CELSR1: variants seen among roughly 807,000 people sequenced by gnomAD.
CELSR1 encodes the protein adhesion G protein-coupled receptor C1.
A neutral mutation model predicts 249.1 loss-of-function variants in CELSR1; 110 were observed. That is an observed-to-expected ratio of 0.44 (90% confidence interval 0.38 to 0.52). CELSR1 has a LOEUF of 0.52. Ranked by LOEUF, CELSR1 falls within the 20% of genes least tolerant of loss-of-function variation. The probability of loss-of-function intolerance (pLI) is 0.00; values close to 1 mark genes in which losing one functional copy is unlikely to be tolerated. For missense variants in CELSR1, 4,109 were observed against 4,296.4 expected, an observed-to-expected ratio of 0.96 and a Z score of 1.22; for synonymous variants, 2,113 against 1,900.0, an observed-to-expected ratio of 1.11 and a Z score of -2.92.
intron 1 of CELSR1, among the ~76,000 whole-genome samples, chr22:46,477,514 C>CTTTT (rs10683807): frequency 0.011 from 1,490 of 133,624 alleles, 47 homozygotes; most frequent in South Asian, 0.024. Flanking sequence ...GTTTTATTGG[C>CTTTT]TTTTTTTTTT....
chr22:46,492,367 T>TAA (rs1441666523), intron 1 of CELSR1, among the ~76,000 whole-genome samples: 1 of 152,254 alleles, frequency 6.6e-6, no homozygotes, highest in South Asian at 2.1e-4. Context: ...GGCACACTGA[T>TAA]ACACAGTCCT....
At chr22:46,491,846 A>G (rs960276832) in intron 1 of CELSR1, among the ~76,000 whole-genome samples, 1 of 152,132 alleles carries the variant, frequency 6.6e-6, no homozygotes, top group South Asian at 2.1e-4. Context: ...CATGTTGGCC[A>G]GGCTGGTCTC....
rs760651748 is a variant in CELSR1, at chr22:46,534,149, C to G, written c.3022G>C (p.Val1008Leu). 2 of 1,613,884 alleles carry G rather than the reference C, an allele frequency of 1.2e-6. No individual in the cohort carries two copies. The highest frequency in any genetic ancestry group is 8.5e-7 in the Non-Finnish European group (1 of 1,180,052). Residue 1008 changes from valine (V) to leucine (L), a missense_variant, in exon 1 of 35, where the codon GTT (valine) becomes CTT (leucine). Val to Leu is a conservative substitution (Grantham distance 32, BLOSUM62 1). This residue lies in a region of CELSR1 where 886 missense variants were observed against 896.5 expected (regional missense o/e 0.99). Coordinates refer to ENST00000674500, the MANE Select transcript of CELSR1 (RefSeq NM_001378328.1). The surrounding 1 kb of genome is among the most constrained non-coding windows in gnomAD (Gnocchi z 9.7). ...GACCCCACTGGGTTGTTCTCCTCAA[C>G]AAACAGCTCCAGTTCGTCCTTCTCA... is the stretch of plus-strand genomic sequence containing the variant. ...MFEKDELELF[V>L]EENNPVGSVV...
rs761007560 is a variant in CELSR1, at chr22:46,439,284, C to A, written c.4311G>T (p.Arg1437Ser). 3.1e-6 allele frequency: 5 copies of A among 1,614,074 alleles called. No individual in the cohort carries two copies. The highest frequency in any genetic ancestry group is 4.2e-6 in the Non-Finnish European group (5 of 1,179,992). The part of the protein sequence containing the change: ...HCVCPPGEYE[R>S]PYCEVTTRSF... ...TCCTGGTGGTCACCTCACAGTAGGG[C>A]CTCTCATACTCGCCAGGAGGACACA... The change falls in exon 3 of 35, where the codon AGG (arginine) becomes AGT (serine). Residue 1437 changes from arginine (R) to serine (S), a missense_variant. Around this residue, in one of 7 missense-constraint regions of CELSR1, gnomAD observed 453 missense variants for 492.0 expected, o/e 0.92. Coordinates refer to ENST00000674500, the MANE Select transcript of CELSR1 (RefSeq NM_001378328.1).
chr22:46,508,135 C>T lies in CELSR1; in HGVS notation c.3544+25492G>A, dbSNP rs373615457. On this transcript the variant is annotated intron_variant, in intron 1 of 34. Transcript: ENST00000674500. Reference sequence around the variant, plus strand: ...CCCCTTTGTGACTCGGCCCTGCAGGCGTAGACCCCCTCCCCCACGGCTCCT... The same window carrying T: ...CCCCTTTGTGACTCGGCCCTGCAGGTGTAGACCCCCTCCCCCACGGCTCCT... 4.6e-5 allele frequency among the ~76,000 whole-genome samples: 7 copies of T among 152,246 alleles called. 1 individual carries two copies. In the East Asian group the frequency reaches 5.8e-4, roughly 13 times the overall value.
chr22:46,368,826 C>T (rs2078817288), intron 27 of CELSR1, among the ~76,000 whole-genome samples: 1 of 152,062 alleles, frequency 6.6e-6, no homozygotes, highest in South Asian at 2.1e-4. Context: ...TCAGCAACAC[C>T]CTCACCACCC....
At chr22:46,369,839 C>T (rs2078831304) in intron 25 of CELSR1, 35 bp from the exon 26 acceptor site, 2 of 1,588,620 alleles carry the variant, frequency 1.3e-6, no homozygotes. Flanking sequence ...AGGGTGAGGG[C>T]CACGTGCCCA....
intron 2 of CELSR1, among the ~76,000 whole-genome samples, chr22:46,460,204 CACACA>C (rs1569179871): frequency 9.2e-5 from 12 of 130,880 alleles, no homozygotes; most frequent in African/African-American, 3.1e-4. Context: ...CACACACACA[CACACA>C]CACACACCCA....
chr22:46,405,320 C>T (rs988452129), intron 9 of CELSR1, among the ~76,000 whole-genome samples: 1 of 151,552 alleles, frequency 6.6e-6, no homozygotes, highest in Non-Finnish European at 1.5e-5. Context: ...ATTAGCCAGG[C>T]GTCGTGGCAG....
intron 2 of CELSR1, among the ~76,000 whole-genome samples, chr22:46,442,205 A>G (rs540359549): frequency 6.6e-6 from 1 of 152,368 alleles, no homozygotes; most frequent in South Asian, 2.1e-4. Context: ...GTGCTGAGGT[A>G]TACCCCCCAC....
chr22:46,462,941 A>T (rs923336208), intron 2 of CELSR1: 7 of 466,772 alleles, frequency 1.5e-5, no homozygotes, highest in Non-Finnish European at 3.1e-5. Flanking sequence ...GGAGGCATGA[A>T]AAAACAGGAT....
At chr22:46,504,510 AAAAAAAAAAAC>A (rs201161142) in intron 1 of CELSR1, among the ~76,000 whole-genome samples, 21,292 of 143,366 alleles carry the variant, frequency 0.15, 1,601 homozygotes, top group Middle Eastern at 0.2. Context: ...TCTCCAAAAA[AAAAAAAAAAAC>A]AAAAAAAAAC....
rs756150192 is a variant in CELSR1 at position 46,365,638 on chromosome 22, G to A, written c.8352C>T (p.Ser2784=). ...TGAGGGACGCGTCTGGCTCTCCGTG[G>A]CTGCCCCTCACCAGCCCAGAGGACA... The part of the protein sequence containing the change: ...LGVSSGLVRG[S]HGEPDASLMP... Residue 2784 remains serine, a synonymous_variant, in exon 31 of 35, where the codon AGC becomes AGT. Transcript: ENST00000674500. 9 of 1,591,594 alleles carry A rather than the reference G, an allele frequency of 5.7e-6. No individual in the cohort carries two copies. In the Admixed American group the frequency reaches 8.8e-5, roughly 16 times the overall value.
intron 1 of CELSR1, among the ~76,000 whole-genome samples, chr22:46,480,965 G>A (rs535669973): frequency 3.6e-4 from 55 of 152,120 alleles, no homozygotes; most frequent in African/African-American, 1.1e-3. Context: ...GGCCGGGTCC[G>A]GTGGCTCACG....
chr22:46,475,020 AG>A (rs1387755349), intron 1 of CELSR1, among the ~76,000 whole-genome samples: 1 of 152,148 alleles, frequency 6.6e-6, no homozygotes, highest in Non-Finnish European at 1.5e-5. Context: ...AAAAGCTTCT[AG>A]AGCTTCAAAT....
In CELSR1 at chr22:46,454,264, T is replaced by C. The variant is rs2079920192; in HGVS notation, c.4183+9443A>G. On this transcript the variant is annotated intron_variant, in intron 2 of 34. Coordinates refer to ENST00000674500, the MANE Select transcript of CELSR1 (RefSeq NM_001378328.1). This position sits in a 1 kb window ranked among gnomAD's most constrained non-coding sequence, Gnocchi z 5.1. ...CCGCCCACGCCCCTGAATGCAGGGCTCCTGCCCTCCAGAACAGTAAGAATG... is the reference window on the plus strand; with the variant it reads ...CCGCCCACGCCCCTGAATGCAGGGCCCCTGCCCTCCAGAACAGTAAGAATG... Among the ~76,000 whole-genome samples, 1 of 152,218 alleles carries C rather than the reference T, an allele frequency of 6.6e-6. No individual in the cohort carries two copies. The highest frequency in any genetic ancestry group is 2.1e-4 in the South Asian group (1 of 4,834).
At chr22:46,405,588 G>A (rs2079257393) in intron 9 of CELSR1, among the ~76,000 whole-genome samples, 1 of 152,098 alleles carries the variant, frequency 6.6e-6, no homozygotes, top group Non-Finnish European at 1.5e-5. Context: ...TCCACAGGAT[G>A]AACCTGTTTT....
In CELSR1 at chr22:46,429,582, C is replaced by T. The variant is rs2079571624; in HGVS notation, c.4611+3811G>A. Among the ~76,000 whole-genome samples the T allele has an allele frequency of 6.6e-6, 1 of 152,204 alleles. No individual in the cohort carries two copies. The highest frequency in any genetic ancestry group is 2.1e-4 in the South Asian group (1 of 4,834). On this transcript the variant is annotated intron_variant, in intron 5 of 34. Coordinates refer to ENST00000674500, the MANE Select transcript of CELSR1 (RefSeq NM_001378328.1). This position sits in a 1 kb window ranked among gnomAD's most constrained non-coding sequence, Gnocchi z 4.1. ...GGTGAATTAGACCAATAAACCTTCT[C>T]GTCTAAAATGTCATCAGGCAGAAAG...
At position 46,380,220 on chromosome 22, in the gene CELSR1, G is replaced by A. The variant is rs922297108; in HGVS notation, c.7256+568C>T. On this transcript the variant is annotated intron_variant, in intron 22 of 34. Coordinates refer to ENST00000674500, the MANE Select transcript of CELSR1 (RefSeq NM_001378328.1). The surrounding 1 kb of genome is among the most constrained non-coding windows in gnomAD (Gnocchi z 5.1). The stretch of plus-strand genomic sequence containing the variant: ...TGGATGCTAGAACACAGATTCTCGC[G>A]CACAGATTCTCCTGCGTTCGCCACT... Among the ~76,000 whole-genome samples the A allele has an allele frequency of 3.3e-5, 5 of 152,166 alleles. No homozygotes were observed. Among genetic ancestry groups the A allele is most frequent in the African/African-American group, 9.7e-5 (4 of 41,428 alleles).
Sources: gnomAD v4.1 joint callset for allele counts (sites outside exome capture counted in the v4.1 genomes callset) on GRCh38, gnomAD v4.1.1 for gene constraint, gnomAD v4.1.1 regional missense constraint, Gnocchi (gnomAD v3.1) non-coding constraint, MANE v1.5 for transcripts, NCBI Gene and HGNC (gene_info 2026-07-23, HGNC 2026-07-21) for gene names.